The following GALNT14 variants were observed in gnomAD, a reference collection of about 807,000 sequenced individuals.
GALNT14 encodes the protein polypeptide N-acetylgalactosaminyltransferase 14.
A neutral mutation model predicts 77.5 loss-of-function variants in GALNT14; 60 were observed. The observed-to-expected ratio is 0.77, with a 90% CI of 0.63 to 0.96. The LOEUF (loss-of-function observed/expected upper bound fraction) is 0.96, where lower values mean the gene tolerates loss of function less well. GALNT14 is among the 40% of genes least tolerant of loss of function. The pLI, the probability that GALNT14 is intolerant of heterozygous loss-of-function variation, is 0.00. For synonymous variants in GALNT14, 280 were observed against 281.7 expected (o/e 0.99, Z 0.06); for missense variants, 710 against 731.0 (o/e 0.97, Z 0.33).
At chr2:31,081,063 T>C (rs1573318683) in intron 1 of GALNT14, among the ~76,000 whole-genome samples, 1 of 152,190 alleles carries the variant, frequency 6.6e-6, no homozygotes, top group African/African-American at 2.4e-5. Flanking sequence ...AAGAGAAGCA[T>C]GCCCCTCCCT....
intron 1 of GALNT14, among the ~76,000 whole-genome samples, chr2:31,046,518 G>A (rs777227676): frequency 7.9e-5 from 12 of 152,102 alleles, no homozygotes; most frequent in East Asian, 3.9e-4. Context: ...GTGAGCCACC[G>A]CGCGTGGCCT....
At chr2:31,127,820 T>C (rs543380425) in intron 1 of GALNT14, among the ~76,000 whole-genome samples, 1 of 152,342 alleles carries the variant, frequency 6.6e-6, no homozygotes, top group South Asian at 2.1e-4. Flanking sequence ...AGAGTTGATC[T>C]GAGCAAACGA....
rs570365625 is a variant in GALNT14, at chr2:31,031,879, G to T, written c.130-38872C>A. Among the ~76,000 whole-genome samples the T allele has an allele frequency of 1.2e-4, 18 of 152,248 alleles. No homozygotes were observed. The East Asian group carries it at 3.3e-3, about 28-fold the overall frequency. ...AGCATGGCTGGACACAAAATGCTGG[G>T]ATACAGTGTTCTCTCTCTAGCAAGA... On this transcript the variant is annotated intron_variant, in intron 1 of 14. Transcript: ENST00000349752.
chr2:30,893,002 A>T, the GALNT14 span, among the ~76,000 whole-genome samples: 1 of 152,236 alleles, frequency 6.6e-6, no homozygotes, highest in Non-Finnish European at 1.5e-5. Context: ...TTATACCTTT[A>T]TAAAATCAAA....
intron 1 of GALNT14, among the ~76,000 whole-genome samples, chr2:31,028,522 CT>C (rs1672215032): frequency 6.6e-6 from 1 of 152,250 alleles, no homozygotes; most frequent in South Asian, 2.1e-4. Flanking sequence ...TCCATCTCAG[CT>C]AGAGCCGCCA....
At chr2:30,920,701 T>C (rs1664979141) in intron 13 of GALNT14, among the ~76,000 whole-genome samples, 1 of 151,866 alleles carries the variant, frequency 6.6e-6, no homozygotes, top group South Asian at 2.1e-4. Context: ...TTAGCTGGCA[T>C]GGTCATGTGG....
intron 1 of GALNT14, among the ~76,000 whole-genome samples, chr2:31,030,902 C>CT (rs1672367416): frequency 6.6e-6 from 1 of 152,122 alleles, no homozygotes; most frequent in Non-Finnish European, 1.5e-5. Flanking sequence ...TCTTGGGATG[C>CT]CTATTTATCT....
At chr2:31,046,276 G>C (rs370218690) in intron 1 of GALNT14, among the ~76,000 whole-genome samples, 4 of 150,004 alleles carry the variant, frequency 2.7e-5, no homozygotes, top group African/African-American at 9.8e-5. Context: ...GCCCAGGCTG[G>C]AGTGCAGCGG....
In GALNT14 at chr2:31,111,244, T is replaced by A. The variant is rs145762156; in HGVS notation, c.129+26714A>T. Among the ~76,000 whole-genome samples the A allele has an allele frequency of 4.6e-5, 7 of 152,146 alleles. No homozygotes were observed. In the East Asian group the frequency reaches 1.3e-3, roughly 29 times the overall value. ...GGGATCAAGGACAAAGACCCAGGGA[T>A]TCTTCATCAGCAAGCTTCAATGACA... On this transcript the variant is annotated intron_variant, in intron 1 of 14. Transcript: ENST00000349752.
At chr2:30,951,066 C>A (rs377541083) in intron 6 of GALNT14, among the ~76,000 whole-genome samples, 1 of 152,148 alleles carries the variant, frequency 6.6e-6, no homozygotes, top group South Asian at 2.1e-4. Context: ...CACATATACA[C>A]CCCCAAATAA....
intron 1 of GALNT14, among the ~76,000 whole-genome samples, chr2:31,009,261 T>C (rs2148437259): frequency 6.6e-6 from 1 of 152,308 alleles, no homozygotes; most frequent in East Asian, 1.9e-4. Flanking sequence ...AGGCACAATT[T>C]GGCACATTCA....
intron 3 of GALNT14, among the ~76,000 whole-genome samples, chr2:30,965,051 G>A (rs748717469): frequency 2.6e-5 from 4 of 152,146 alleles, no homozygotes; most frequent in Non-Finnish European, 4.4e-5. Context: ...AATGAGCCGC[G>A]TTTCATGGGG....
chr2:31,039,790 A>G (rs1018124847), intron 1 of GALNT14, among the ~76,000 whole-genome samples: 1 of 152,154 alleles, frequency 6.6e-6, no homozygotes, highest in African/African-American at 2.4e-5. Context: ...ATTAGGAGAC[A>G]CAAGCCATAA....
intron 10 of GALNT14, among the ~76,000 whole-genome samples, chr2:30,931,022 C>T (rs1446032483): frequency 6.6e-6 from 1 of 152,262 alleles, no homozygotes; most frequent in Non-Finnish European, 1.5e-5. Context: ...AGAGCCACCA[C>T]TTCCCTGTGC....
At chr2:31,018,845 A>C (rs184736184) in intron 1 of GALNT14, among the ~76,000 whole-genome samples, 252 of 152,242 alleles carry the variant, frequency 1.7e-3, no homozygotes, top group Non-Finnish European at 2.3e-3. Context: ...CTGCAGGCTC[A>C]GCAGCTGTGT....
chr2:30,979,104 G>C (rs558609344), intron 2 of GALNT14, among the ~76,000 whole-genome samples: 117 of 152,250 alleles, frequency 7.7e-4, no homozygotes, highest in Non-Finnish European at 1.2e-3. Flanking sequence ...GACAGGAGCT[G>C]TGTGCCCACA....
At chr2:30,956,938 G>GTCCC (rs1667406846) in intron 4 of GALNT14, among the ~76,000 whole-genome samples, 3 of 152,116 alleles carry the variant, frequency 2.0e-5, no homozygotes, top group African/African-American at 7.2e-5. Flanking sequence ...TTTTGGAAGG[G>GTCCC]TCCCACTCAG....
At chr2:31,072,212 T>A (rs955545102) in intron 1 of GALNT14, among the ~76,000 whole-genome samples, 1 of 148,478 alleles carries the variant, frequency 6.7e-6, no homozygotes, top group Non-Finnish European at 1.5e-5. Context: ...CTTCCTGGCA[T>A]CCAGTCAACT....
At chr2:30,946,259 G>A (rs1200321684) in intron 6 of GALNT14, among the ~76,000 whole-genome samples, 1 of 152,178 alleles carries the variant, frequency 6.6e-6, no homozygotes, top group East Asian at 1.9e-4. Flanking sequence ...CTGGTGATAC[G>A]GTTTGGATCT....
Sources: gnomAD v4.1 joint callset for allele counts (sites outside exome capture counted in the v4.1 genomes callset) on GRCh38, gnomAD v4.1.1 for gene constraint, MANE v1.5 for transcripts, NCBI Gene and HGNC (gene_info 2026-07-23, HGNC 2026-07-21) for gene names.